Variants in EIF2B3 observed in about 807,000 individuals in gnomAD.
EIF2B3 encodes translation initiation factor eIF2B subunit gamma.
EIF2B3 carries 20 observed loss-of-function variants against 54.1 expected under a neutral mutation model. The ratio of observed to expected loss-of-function variants is 0.37; its 90% CI spans 0.26 to 0.54. The LOEUF is 0.54. Among genes scored for constraint, EIF2B3 ranks in the 20% least tolerant of loss-of-function variants. The probability of loss-of-function intolerance (pLI) is 0.86; values close to 1 mark genes in which losing one functional copy is unlikely to be tolerated. For synonymous variants in EIF2B3, 153 were observed against 188.1 expected, an observed-to-expected ratio of 0.81 and a Z score of 1.52; for missense variants, 448 against 547.8, an observed-to-expected ratio of 0.82 and a Z score of 1.82.
At chr1:44,923,660 C>CA (rs1643795414) in intron 5 of EIF2B3, among the ~76,000 whole-genome samples, 1 of 151,848 alleles carries the variant, frequency 6.6e-6, no homozygotes, top group African/African-American at 2.4e-5. Context: ...CTCTCCATTT[C>CA]TTTCTTTCTA....
intron 4 of EIF2B3, among the ~76,000 whole-genome samples, chr1:44,938,511 T>G (rs1643983019): frequency 6.7e-6 from 1 of 150,374 alleles, no homozygotes; most frequent in Non-Finnish European, 1.5e-5. Flanking sequence ...TGTTTTTTTT[T>G]GGGACAGAGT....
At chr1:44,853,430 A>AC (rs1654340146) in intron 11 of EIF2B3, among the ~76,000 whole-genome samples, 1 of 152,110 alleles carries the variant, frequency 6.6e-6, no homozygotes, top group South Asian at 2.1e-4. Flanking sequence ...GGCAATAGTT[A>AC]GACACCATCT....
chr1:44,970,653 A>G (rs1367625945), intron 3 of EIF2B3, among the ~76,000 whole-genome samples: 1 of 152,214 alleles, frequency 6.6e-6, no homozygotes, highest in Non-Finnish European at 1.5e-5. Context: ...AAACACTGAC[A>G]ACTTACTTCT....
chr1:44,941,212 ATTT>A (rs1644017335), intron 4 of EIF2B3, among the ~76,000 whole-genome samples: 1 of 152,108 alleles, frequency 6.6e-6, no homozygotes, highest in South Asian at 2.1e-4. Flanking sequence ...TTTAAATTGG[ATTT>A]TTGTTTGTTT....
At chr1:44,915,520 C>T (rs915929207) in intron 5 of EIF2B3, among the ~76,000 whole-genome samples, 1 of 151,644 alleles carries the variant, frequency 6.6e-6, no homozygotes, top group Non-Finnish European at 1.5e-5. Context: ...TGCTGCCATG[C>T]CCAGCGAATT....
chr1:44,960,817 G>A (rs1644277654), intron 3 of EIF2B3, among the ~76,000 whole-genome samples: 3 of 152,034 alleles, frequency 2.0e-5, no homozygotes, highest in African/African-American at 7.2e-5. Context: ...GTATCTGTGA[G>A]GGTTCCTGGA....
chr1:44,984,051 C>T (rs1644543128), intron 1 of EIF2B3, among the ~76,000 whole-genome samples: 1 of 152,014 alleles, frequency 6.6e-6, no homozygotes, highest in Non-Finnish European at 1.5e-5. Flanking sequence ...TGGTGTCAGG[C>T]ACCCGTAATC....
chr1:44,884,704 T>C (rs765770894), intron 6 of EIF2B3, among the ~76,000 whole-genome samples: 4 of 152,312 alleles, frequency 2.6e-5, no homozygotes, highest in East Asian at 1.9e-4. Flanking sequence ...TCCTCCTCCA[T>C]TGGAAAACAA....
chr1:44,986,138 C>CTTT (rs66786376), intron 1 of EIF2B3, among the ~76,000 whole-genome samples: 3 of 142,232 alleles, frequency 2.1e-5, no homozygotes, highest in African/African-American at 7.9e-5. Context: ...CTTTTCTTTT[C>CTTT]TTTTTTTTTT....
At chr1:44,852,457 T>C in intron 11 of EIF2B3, among the ~76,000 whole-genome samples, 1 of 152,188 alleles carries the variant, frequency 6.6e-6, no homozygotes, top group South Asian at 2.1e-4. Context: ...TCCTACATCA[T>C]TATACCACTC....
intron 11 of EIF2B3, 119 bp from the exon 12 acceptor site, chr1:44,851,122 T>G: frequency 1.1e-6 from 1 of 948,986 alleles, no homozygotes; most frequent in Non-Finnish European, 1.7e-6. Flanking sequence ...TGGAGTGCAG[T>G]GGCACAATCT....
intron 6 of EIF2B3, among the ~76,000 whole-genome samples, chr1:44,891,627 A>C (rs1423298810): frequency 6.6e-6 from 1 of 152,172 alleles, no homozygotes; most frequent in African/African-American, 2.4e-5. Context: ...AATTCTGGCA[A>C]TGTTCTGTTT....
rs1171020644 is a variant in EIF2B3, at chr1:44,951,954, A to ATTTTT, written c.295-10294_295-10290dup. Reference sequence around the variant, plus strand: ...AGGGGCGCACCACCATGCCTGGCTAATTTTTTTTTTTTTTTTTTTTTTTTT... The same window carrying ATTTTT: ...AGGGGCGCACCACCATGCCTGGCTAATTTTTTTTTTTTTTTTTTTTTTTTTTTTTT... On this transcript the variant is annotated intron_variant, in intron 3 of 11. Transcript: ENST00000360403. Among the ~76,000 whole-genome samples the ATTTTT allele has an allele frequency of 1.4e-3, 61 of 44,650 alleles. 9 individuals are homozygous for ATTTTT. The highest frequency in any genetic ancestry group is 3.3e-3 in the African/African-American group (24 of 7,336). The allele number at this position is 44,650 out of a possible 152,430, so 29.3% of individuals were successfully genotyped here. A position where few individuals can be genotyped will look rare whatever the true frequency, so the allele number is the denominator to read the frequency against.
chr1:44,941,069 TAG>T (rs1242189103), intron 4 of EIF2B3, among the ~76,000 whole-genome samples: 3 of 151,932 alleles, frequency 2.0e-5, no homozygotes, highest in African/African-American at 4.8e-5. Context: ...GTATTTTTAG[TAG>T]AGATGGGGTT....
intron 3 of EIF2B3, among the ~76,000 whole-genome samples, chr1:44,945,490 C>G (rs1328983499): frequency 6.6e-6 from 1 of 150,664 alleles, no homozygotes; most frequent in Non-Finnish European, 1.5e-5. Flanking sequence ...GGGGGCGGAG[C>G]TTGCCGTGAG....
intron 3 of EIF2B3, among the ~76,000 whole-genome samples, chr1:44,963,007 T>G (rs529257942): frequency 2.6e-5 from 4 of 152,108 alleles, no homozygotes; most frequent in African/African-American, 4.8e-5. Context: ...GTGAGCAGAC[T>G]GCTTGAGCCC....
chr1:44,960,467 G>C (rs1020049376), intron 3 of EIF2B3, among the ~76,000 whole-genome samples: 1 of 151,946 alleles, frequency 6.6e-6, no homozygotes, highest in Non-Finnish European at 1.5e-5. Flanking sequence ...GTGAAACCCC[G>C]TCTCTACTAA....
chr1:44,868,667 C>T (rs1308964418), intron 10 of EIF2B3, among the ~76,000 whole-genome samples: 1 of 151,946 alleles, frequency 6.6e-6, no homozygotes, highest in Admixed American at 6.6e-5. Context: ...GGAAAGGTTG[C>T]TAATTAGAGC....
intron 4 of EIF2B3, chr1:44,932,571 C>T (rs1438740283): frequency 6.6e-6 from 1 of 152,022 alleles, no homozygotes; most frequent in African/African-American, 2.4e-5. Flanking sequence ...TTGAAAATTC[C>T]TAAGAGAGTA....
Sources: gnomAD v4.1 joint callset for allele counts (sites outside exome capture counted in the v4.1 genomes callset) on GRCh38, gnomAD v4.1.1 for gene constraint, MANE v1.5 for transcripts, NCBI Gene and HGNC (gene_info 2026-07-23, HGNC 2026-07-21) for gene names.